The following COL4A6 variants were observed in gnomAD, a reference collection of about 807,000 sequenced individuals.
COL4A6 encodes the protein collagen alpha-6(IV) chain.
Under a neutral mutation model 126.7 loss-of-function variants are expected in COL4A6, and 59 were observed. The observed-to-expected ratio is 0.47, with a 90% CI of 0.38 to 0.58. The LOEUF is 0.58. Among genes scored for constraint, COL4A6 ranks in the 20% least tolerant of loss-of-function variants. COL4A6 has a pLI of 0.00. For synonymous variants in COL4A6, 547 were observed against 496.6 expected (o/e 1.10, Z -1.35); for missense variants, 1,285 against 1,337.3 (o/e 0.96, Z 0.61).
At chrX:108,196,689 A>G in intron 13 of COL4A6, 110 bp from the exon 14 acceptor site, 1 of 584,761 alleles carries the variant, frequency 1.7e-6, no homozygotes, top group South Asian at 2.9e-5. Flanking sequence ...CCCCTTAGGG[A>G]GGCTCACCAT....
At chrX:108,391,261 C>T (rs907213577) in intron 2 of COL4A6, among the ~76,000 whole-genome samples, 1 of 112,027 alleles carries the variant, frequency 8.9e-6, no homozygotes, top group African/African-American at 3.2e-5. Flanking sequence ...AGATGACAGG[C>T]AGGAACGTTT....
chrX:108,303,469 C>G (rs1472656190), intron 3 of COL4A6, among the ~76,000 whole-genome samples: 1 of 111,836 alleles, frequency 8.9e-6, no homozygotes, highest in Non-Finnish European at 1.9e-5. Flanking sequence ...TGTCATATGA[C>G]TTAGCAGGGA....
intron 2 of COL4A6, among the ~76,000 whole-genome samples, chrX:108,336,036 C>T (rs755819951): frequency 1.8e-5 from 2 of 111,591 alleles, no homozygotes; most frequent in South Asian, 3.7e-4. Context: ...AAGTTGAAAG[C>T]CCTTGTTTTT....
Position 108,214,223 on chromosome X carries a change from G to T in COL4A6, c.330C>A (p.His110Gln). The T allele has an allele frequency of 8.4e-7, 1 of 1,190,124 alleles. No individual in the cohort carries two copies. The highest frequency in any genetic ancestry group is 1.1e-6 in the Non-Finnish European group (1 of 881,265). The change falls in exon 6 of 45, where the codon CAC becomes CAA. Residue 110 changes from histidine to glutamine, a missense_variant. His to Gln is a conservative substitution (Grantham distance 24, BLOSUM62 0). Coordinates refer to ENST00000334504, the MANE Select transcript of COL4A6 (RefSeq NM_033641.4). ...GFLGINGIPG[H>Q]PGQPGPRGPP... ...GGCCTCTGGGGCCTGGTTGTCCAGGGTGGCCCTGTTCAAAGAGAAAAGAAG... is the reference window on the plus strand; with the variant it reads ...GGCCTCTGGGGCCTGGTTGTCCAGGTTGGCCCTGTTCAAAGAGAAAAGAAG...
chrX:108,410,384 A>G (rs2041302126), intron 2 of COL4A6, among the ~76,000 whole-genome samples: 1 of 111,775 alleles, frequency 8.9e-6, no homozygotes, highest in African/African-American at 3.3e-5. Context: ...AGTTTTTTTC[A>G]TATAGATAAG....
At chrX:108,349,671 T>C (rs1009304739) in intron 2 of COL4A6, among the ~76,000 whole-genome samples, 5 of 111,711 alleles carry the variant, frequency 4.5e-5, no homozygotes, top group African/African-American at 1.6e-4. Context: ...GTCCCTGACA[T>C]AAAATATGTC....
intron 2 of COL4A6, among the ~76,000 whole-genome samples, chrX:108,338,460 G>A (rs891779901): frequency 8.9e-6 from 1 of 112,180 alleles, no homozygotes; most frequent in African/African-American, 3.2e-5. Context: ...CCCACATATA[G>A]TTCTTTCAGA....
chrX:108,231,994 T>C (rs979583948), intron 3 of COL4A6, among the ~76,000 whole-genome samples: 3 of 111,833 alleles, frequency 2.7e-5, no homozygotes, highest in African/African-American at 9.8e-5. Flanking sequence ...AGACAAATTC[T>C]GATGTGCTAT....
At chrX:108,234,416 G>A (rs188630751) in intron 3 of COL4A6, among the ~76,000 whole-genome samples, 1 of 112,092 alleles carries the variant, frequency 8.9e-6, no homozygotes, top group African/African-American at 3.2e-5. Context: ...GCTGCCCAGT[G>A]GCACCCTTAG....
intron 3 of COL4A6, among the ~76,000 whole-genome samples, chrX:108,257,174 C>T (rs191649738): frequency 1.2e-4 from 13 of 111,634 alleles, no homozygotes; most frequent in South Asian, 3.8e-4. Flanking sequence ...AGGAACTGAC[C>T]GGGTTTTGAG....
intron 3 of COL4A6, among the ~76,000 whole-genome samples, chrX:108,281,851 A>C (rs1459049234): frequency 9.0e-6 from 1 of 111,093 alleles, no homozygotes; most frequent in Non-Finnish European, 1.9e-5. Flanking sequence ...GCATGTCTAC[A>C]ACTATCTGAT....
chrX:108,389,401 C>T (rs758941497), intron 2 of COL4A6, among the ~76,000 whole-genome samples: 8 of 111,529 alleles, frequency 7.2e-5, no homozygotes, highest in Admixed American at 3.8e-4. Flanking sequence ...TGGATGCTCC[C>T]GTATTGGGTG....
At chrX:108,191,328 A>G in intron 19 of COL4A6, 65 bp downstream of exon 19, 1 of 1,142,953 alleles carries the variant, frequency 8.7e-7, no homozygotes, top group South Asian at 2.0e-5. Flanking sequence ...CTCAAAAATC[A>G]TGACTGTTCT....
At chrX:108,397,779 G>C (rs1603213387) in intron 2 of COL4A6, among the ~76,000 whole-genome samples, 1 of 111,761 alleles carries the variant, frequency 8.9e-6, no homozygotes, top group East Asian at 2.8e-4. Flanking sequence ...GTAGGTCCTT[G>C]CTGTAGTGTT....
At chrX:108,201,535 C>T (rs2035392138) in intron 13 of COL4A6, among the ~76,000 whole-genome samples, 1 of 111,512 alleles carries the variant, frequency 9.0e-6, no homozygotes, top group Non-Finnish European at 1.9e-5. Flanking sequence ...AAAGCCCTTA[C>T]CTTTTAAATA....
At chrX:108,281,934 G>T (rs1603002895) in intron 3 of COL4A6, among the ~76,000 whole-genome samples, 2 of 109,781 alleles carry the variant, frequency 1.8e-5, no homozygotes, top group South Asian at 3.9e-4. Context: ...GGGAAAACTG[G>T]CTAGCCATAT....
intron 3 of COL4A6, among the ~76,000 whole-genome samples, chrX:108,281,477 T>A (rs1360973257): frequency 9.7e-6 from 1 of 102,987 alleles, no homozygotes; most frequent in South Asian, 4.8e-4. Context: ...TACAAACCAC[T>A]GCTCAAGGAA....
At chrX:108,321,707 G>GTA (rs750950476) in intron 2 of COL4A6, among the ~76,000 whole-genome samples, 62 of 109,330 alleles carry the variant, frequency 5.7e-4, no homozygotes, top group East Asian at 4.9e-3. Flanking sequence ...AGATGCTGAG[G>GTA]TATATATATA....
At chrX:108,261,982 ACT>A (rs2037174135) in intron 3 of COL4A6, among the ~76,000 whole-genome samples, 1 of 111,585 alleles carries the variant, frequency 9.0e-6, no homozygotes, top group African/African-American at 3.3e-5. Context: ...TGGATAACCA[ACT>A]CTTGGCAAAA....
Sources: gnomAD v4.1 joint callset for allele counts (sites outside exome capture counted in the v4.1 genomes callset) on GRCh38, gnomAD v4.1.1 for gene constraint, MANE v1.5 for transcripts, NCBI Gene and HGNC (gene_info 2026-07-23, HGNC 2026-07-21) for gene names.